The following MAML3 variants were observed in gnomAD, a reference collection of about 807,000 sequenced individuals.
MAML3 encodes mastermind like transcriptional coactivator 3, also known as mastermind-like protein 3.
In MAML3, 27 loss-of-function variants were observed where a neutral mutation model predicts 101.9. That is an observed-to-expected ratio of 0.27 (90% CI 0.20 to 0.37). The LOEUF (loss-of-function observed/expected upper bound fraction) is 0.37, where lower values mean the gene tolerates loss of function less well. Among genes scored for constraint, MAML3 ranks in the 10% least tolerant of loss-of-function variants. MAML3 has a pLI of 1.00. For missense variants in MAML3, 1,316 were observed against 1,444.9 expected (o/e 0.91, Z 1.45); for synonymous variants, 501 against 555.9 (o/e 0.90, Z 1.39).
intron 1 of MAML3, among the ~76,000 whole-genome samples, chr4:140,076,869 T>C: frequency 6.6e-6 from 1 of 152,160 alleles, no homozygotes; most frequent in East Asian, 1.9e-4. Context: ...TTGTTGTTTT[T>C]GTTTTTTTCT....
At chr4:139,776,423 G>C (rs1352685574) in intron 2 of MAML3, among the ~76,000 whole-genome samples, 2 of 152,112 alleles carry the variant, frequency 1.3e-5, no homozygotes, top group African/African-American at 4.8e-5. Context: ...TTAAGGAAGT[G>C]ACTCTGCAGA....
At chr4:139,778,985 A>G (rs1050772804) in intron 2 of MAML3, among the ~76,000 whole-genome samples, 3 of 93,252 alleles carry the variant, frequency 3.2e-5, no homozygotes, top group African/African-American at 1.2e-4. Flanking sequence ...TCCACCTCAA[A>G]AAAAAAAAAA....
intron 4 of MAML3, among the ~76,000 whole-genome samples, chr4:139,722,270 A>C (rs941380308): frequency 3.9e-5 from 6 of 152,186 alleles, no homozygotes; most frequent in African/African-American, 1.4e-4. Flanking sequence ...TGTAATTCTT[A>C]TTTTTAAAAG....
Position 140,009,688 on chromosome 4 carries a change from A to C in MAML3, c.469-118721T>G, listed in dbSNP as rs149620243. Among the ~76,000 whole-genome samples, 6 of 152,340 alleles carry C rather than the reference A, an allele frequency of 3.9e-5. No homozygotes were observed. In the East Asian group the frequency reaches 1.2e-3, roughly 29 times the overall value. ...TTGATTTAATTCAACAAATACATAA[A>C]GAGTACCTGCTGTGCACCAGGAACT... is the stretch of plus-strand genomic sequence containing the variant. On this transcript the variant is annotated intron_variant, in intron 1 of 4. Transcript: ENST00000509479.
At chr4:139,990,818 A>G (rs915746029) in intron 1 of MAML3, among the ~76,000 whole-genome samples, 1 of 152,158 alleles carries the variant, frequency 6.6e-6, no homozygotes, top group Non-Finnish European at 1.5e-5. Context: ...CAAAGAGAAT[A>G]AAATACCTAG....
intron 1 of MAML3, among the ~76,000 whole-genome samples, chr4:139,941,869 C>A (rs764109951): frequency 6.6e-6 from 1 of 152,140 alleles, no homozygotes; most frequent in Non-Finnish European, 1.5e-5. Context: ...CACGATGGCT[C>A]ACACCTATAA....
intron 1 of MAML3, among the ~76,000 whole-genome samples, chr4:139,955,165 A>T (rs1223830639): frequency 3.3e-5 from 5 of 152,032 alleles, no homozygotes; most frequent in African/African-American, 9.7e-5. Context: ...CTGATTGCAA[A>T]TTTTTTCTAC....
At chr4:139,961,811 A>C (rs187195308) in intron 1 of MAML3, among the ~76,000 whole-genome samples, 13 of 152,316 alleles carry the variant, frequency 8.5e-5, no homozygotes, top group African/African-American at 3.1e-4. Context: ...AACCTAATGC[A>C]TCATGAGAAC....
chr4:139,918,787 G>C (rs1466636667), intron 1 of MAML3, among the ~76,000 whole-genome samples: 1 of 152,068 alleles, frequency 6.6e-6, no homozygotes, highest in Non-Finnish European at 1.5e-5. Flanking sequence ...TTTCTGTCCG[G>C]CATAGTAGGT....
rs187658706 is a variant in MAML3 at position 139,891,686 on chromosome 4, A to T, written c.469-719T>A. Among the ~76,000 whole-genome samples the T allele has an allele frequency of 7.1e-3, 1,075 of 152,238 alleles. 12 individuals are homozygous for T. The highest frequency in any genetic ancestry group is 0.024 in the African/African-American group (1,009 of 41,552). ...ACATCAAGGAATTAAATCAACATTT[A>T]AAAAAAATGCTAAAATAAAAACTTC... On this transcript the variant is annotated intron_variant, in intron 1 of 4. Transcript: ENST00000509479.
At chr4:139,902,696 G>A (rs935616801) in intron 1 of MAML3, among the ~76,000 whole-genome samples, 1 of 152,136 alleles carries the variant, frequency 6.6e-6, no homozygotes, top group South Asian at 2.1e-4. Context: ...CATCTGTGGG[G>A]CAAAGCGGCT....
intron 2 of MAML3, among the ~76,000 whole-genome samples, chr4:139,826,506 A>G (rs1731063249): frequency 6.6e-6 from 1 of 152,236 alleles, no homozygotes; most frequent in Non-Finnish European, 1.5e-5. Flanking sequence ...TAGTATGGAT[A>G]GACTGGTGGC....
At chr4:139,918,078 T>A (rs1733058974) in intron 1 of MAML3, among the ~76,000 whole-genome samples, 1 of 152,126 alleles carries the variant, frequency 6.6e-6, no homozygotes, top group Non-Finnish European at 1.5e-5. Context: ...CTTCCATCTG[T>A]CACCTTTTCT....
intron 1 of MAML3, among the ~76,000 whole-genome samples, chr4:140,099,836 G>T (rs79529315): frequency 0.02 from 3,054 of 152,136 alleles, 94 homozygotes; most frequent in African/African-American, 0.07. Context: ...CTCCGACAGG[G>T]TTTTCAGCCT....
intron 2 of MAML3, among the ~76,000 whole-genome samples, chr4:139,747,313 A>G (rs948902962): frequency 2.0e-5 from 3 of 152,150 alleles, no homozygotes; most frequent in African/African-American, 7.2e-5. Flanking sequence ...ACTTTCCCCC[A>G]CCTTTTAGAC....
At chr4:140,125,021 C>T (rs981721066) in intron 1 of MAML3, among the ~76,000 whole-genome samples, 2 of 152,084 alleles carry the variant, frequency 1.3e-5, no homozygotes, top group African/African-American at 4.8e-5. Context: ...TTTCTAATGT[C>T]CTTTAATTAT....
At chr4:139,980,809 T>C (rs1218080077) in intron 1 of MAML3, among the ~76,000 whole-genome samples, 2 of 151,996 alleles carry the variant, frequency 1.3e-5, no homozygotes, top group Non-Finnish European at 2.9e-5. Flanking sequence ...AATAAACAAG[T>C]AATAATAATA....
At chr4:140,018,054 G>C (rs747956865) in intron 1 of MAML3, among the ~76,000 whole-genome samples, 1 of 152,120 alleles carries the variant, frequency 6.6e-6, no homozygotes. Flanking sequence ...ATTAGTGCTA[G>C]TTAGGGTGGG....
At chr4:139,927,072 C>CTTTT (rs61573991) in intron 1 of MAML3, among the ~76,000 whole-genome samples, 2 of 134,728 alleles carry the variant, frequency 1.5e-5, no homozygotes, top group African/African-American at 2.8e-5. Flanking sequence ...TTTCTTTTTT[C>CTTTT]TTTTTTTTTT....
Sources: gnomAD v4.1 joint callset for allele counts (sites outside exome capture counted in the v4.1 genomes callset) on GRCh38, gnomAD v4.1.1 for gene constraint, MANE v1.5 for transcripts, NCBI Gene and HGNC (gene_info 2026-07-23, HGNC 2026-07-21) for gene names.